KRT23: variants seen among roughly 807,000 people sequenced by gnomAD.
KRT23 encodes keratin 23, also known as keratin, type I cytoskeletal 23.
In KRT23, 38 loss-of-function variants were observed where a neutral mutation model predicts 47.6. That is an observed-to-expected ratio of 0.80 (90% confidence interval 0.62 to 1.05). KRT23 has a LOEUF of 1.05. Among genes scored for constraint, KRT23 ranks in the 50% least tolerant of loss-of-function variants. The probability of loss-of-function intolerance (pLI) is 0.00; values close to 1 mark genes in which losing one functional copy is unlikely to be tolerated. For missense variants in KRT23, 503 were observed against 529.5 expected (o/e 0.95, Z 0.49); for synonymous variants, 191 against 199.0 (o/e 0.96, Z 0.34).
intron 7 of KRT23, among the ~76,000 whole-genome samples, chr17:40,924,995 CT>C (rs34300335): frequency 0.26 from 39,133 of 148,528 alleles, 5,224 homozygotes; most frequent in African/African-American, 0.36. Flanking sequence ...TCATATGCAT[CT>C]TTTTTTTTTT....
At chr17:40,927,598 C>T (rs547876475) in intron 6 of KRT23, among the ~76,000 whole-genome samples, 9 of 145,290 alleles carry the variant, frequency 6.2e-5, no homozygotes, top group African/African-American at 7.7e-5. Context: ...AAATGATAGA[C>T]CTTCATAAAT....
At chr17:40,932,740 T>G (rs1459384873) in intron 2 of KRT23, among the ~76,000 whole-genome samples, 2 of 152,218 alleles carry the variant, frequency 1.3e-5, no homozygotes, top group African/African-American at 4.8e-5. Flanking sequence ...AAGCTATACT[T>G]CAGTACAAAG....
chr17:40,922,919 A>T lies in KRT23; in HGVS notation c.*70T>A. On this transcript the variant is annotated 3_prime_UTR_variant, in exon 9 of 9. Transcript: ENST00000209718. ...CAAGGGTATCTTTTAGAACTCACTCACTGGTGTCTGTGCAAGGACTTTCCT... is the reference window on the plus strand; with the variant it reads ...CAAGGGTATCTTTTAGAACTCACTCTCTGGTGTCTGTGCAAGGACTTTCCT... 1 of 1,053,748 alleles carries T rather than the reference A, an allele frequency of 9.5e-7. No homozygotes were observed. Among genetic ancestry groups the T allele is most frequent in the Non-Finnish European group, 1.5e-6 (1 of 677,054 alleles). 65.3% of individuals were successfully genotyped at this position (1,053,748 alleles called of 1,614,324 possible). A position where few individuals can be genotyped will look rare whatever the true frequency, so the allele number is the denominator to read the frequency against.
Position 40,925,533 on chromosome 17 carries a change from C to T in KRT23, c.963G>A (p.Arg321=). 1.2e-6 allele frequency: 2 copies of T among 1,614,110 alleles called. No individual in the cohort carries two copies. Among genetic ancestry groups the T allele is most frequent in the Non-Finnish European group, 1.7e-6 (2 of 1,179,992 alleles). ...LENMLSETQS[R]YSCKLQDMQE... ...GCATGTCCTGGAGCTTGCAGGAGTA[C>T]CGAGACTGGGTCTCGGATAACATGT... Residue 321 remains arginine (R), a synonymous_variant, in exon 7 of 9, where the codon CGG becomes CGA. Transcript: ENST00000209718.
intron 6 of KRT23, among the ~76,000 whole-genome samples, chr17:40,926,331 G>A (rs1296816621): frequency 6.6e-6 from 1 of 152,110 alleles, no homozygotes; most frequent in African/African-American, 2.4e-5. Context: ...TAATTTTCAG[G>A]GGGCCGTTCA....
intron 8 of KRT23, 61 bp from the exon 9 acceptor site, chr17:40,923,144 C>A: frequency 1.6e-6 from 2 of 1,284,530 alleles, no homozygotes; most frequent in South Asian, 2.4e-5. Flanking sequence ...GAACTGTACT[C>A]ATTTTCATTT....
intron 8 of KRT23, among the ~76,000 whole-genome samples, chr17:40,924,232 A>G (rs747224970): frequency 9.9e-5 from 15 of 152,206 alleles, no homozygotes; most frequent in Non-Finnish European, 1.6e-4. Flanking sequence ...CTTAATAGAG[A>G]CATAATACTA....
chr17:40,930,030 T>C lies in KRT23; in HGVS notation c.546A>G (p.Leu182=). The C allele has an allele frequency of 6.2e-7, 1 of 1,614,138 alleles. No individual in the cohort carries two copies. Among genetic ancestry groups the C allele is most frequent in the East Asian group, 2.2e-5 (1 of 44,884 alleles). The change falls in exon 4 of 9, where the codon TTA becomes TTG. Residue 182 remains leucine, a synonymous_variant. Transcript: ENST00000209718. ...CTGTTGTGACAATGGTCAGGTTGTC[T>C]AAGGTCCTTCGGAGGCCCTCGACTT... The part of the protein sequence containing the change: ...EIEVEGLRRT[L]DNLTIVTTDL...
In KRT23 at chr17:40,922,911, A is replaced by C; in HGVS notation, c.*78T>G. 2.1e-6 allele frequency: 2 copies of C among 967,530 alleles called. No homozygotes were observed. Among genetic ancestry groups the C allele is most frequent in the Non-Finnish European group, 3.3e-6 (2 of 604,956 alleles). The allele number at this position is 967,530 out of a possible 1,614,324, so 59.9% of individuals were successfully genotyped here. ...GATAATTCCAAGGGTATCTTTTAGA[A>C]CTCACTCACTGGTGTCTGTGCAAGG... On this transcript the variant is annotated 3_prime_UTR_variant, in exon 9 of 9. Transcript: ENST00000209718.
chr17:40,925,647 C>G, intron 6 of KRT23, 73 bp from the exon 7 acceptor site: 2 of 1,155,836 alleles, frequency 1.7e-6, no homozygotes, highest in Non-Finnish European at 2.5e-6. Flanking sequence ...TTGTTGAGTA[C>G]TTAGCAGATG....
chr17:40,933,992 C>A (rs894917772), intron 2 of KRT23, among the ~76,000 whole-genome samples: 2 of 152,240 alleles, frequency 1.3e-5, no homozygotes, highest in Admixed American at 1.3e-4. Flanking sequence ...AAATATAGTC[C>A]GATTGAGAAT....
chr17:40,936,770 T>G lies in KRT23; in HGVS notation c.-167A>C, dbSNP rs770675416. 8.5e-6 allele frequency: 5 copies of G among 590,576 alleles called. No individual in the cohort carries two copies. Among genetic ancestry groups the G allele is most frequent in the Non-Finnish European group, 1.1e-5 (4 of 378,220 alleles). The allele number at this position is 590,576 out of a possible 1,614,324, so 36.6% of individuals were successfully genotyped here. On this transcript the variant is annotated 5_prime_UTR_variant, in exon 2 of 9. Coordinates refer to ENST00000209718, the MANE Select transcript of KRT23 (RefSeq NM_015515.5). ...GTATCATTGTGCAACTTGTGTTTCC[T>G]CTTGGTCAATCCCAAAGTGCCCCTG...
intron 2 of KRT23, among the ~76,000 whole-genome samples, chr17:40,934,714 C>G (rs1909928264): frequency 1.3e-5 from 2 of 152,194 alleles, no homozygotes; most frequent in Admixed American, 6.5e-5. Flanking sequence ...TAGAATCCCA[C>G]CTCTGCTTCT....
intron 6 of KRT23, 21 bp from the exon 7 acceptor site, chr17:40,925,595 C>A: frequency 6.4e-7 from 1 of 1,555,764 alleles, no homozygotes; most frequent in East Asian, 2.3e-5. Flanking sequence ...AAATGATCTT[C>A]TGTTAATTAA....
intron 2 of KRT23, 73 bp from the exon 3 acceptor site, chr17:40,931,528 T>C: frequency 2.0e-6 from 2 of 1,021,182 alleles, no homozygotes; most frequent in South Asian, 1.3e-5. Flanking sequence ...TGCATGTCTG[T>C]CCTCTAGCTT....
intron 7 of KRT23, among the ~76,000 whole-genome samples, chr17:40,924,987 A>C (rs1382868676): frequency 8.2e-6 from 1 of 122,310 alleles, no homozygotes; most frequent in Non-Finnish European, 1.6e-5. Flanking sequence ...TCTCTAGCTC[A>C]TATGCATCTT....
At chr17:40,932,781 G>A (rs1909786485) in intron 2 of KRT23, among the ~76,000 whole-genome samples, 2 of 152,280 alleles carry the variant, frequency 1.3e-5, no homozygotes, top group African/African-American at 4.8e-5. Context: ...CCTATTTAAA[G>A]CTCCACTGAT....
Position 40,922,847 on chromosome 17 carries a change from A to G in KRT23, c.*142T>C, listed in dbSNP as rs1015805378. 5 of 618,060 alleles carry G rather than the reference A, an allele frequency of 8.1e-6. No homozygotes were observed. The highest frequency in any genetic ancestry group is 1.4e-5 in the Non-Finnish European group (5 of 348,214). 38.3% of individuals were successfully genotyped at this position (618,060 alleles called of 1,614,324 possible). A position where few individuals can be genotyped will look rare whatever the true frequency, so the allele number is the denominator to read the frequency against. On this transcript the variant is annotated 3_prime_UTR_variant, in exon 9 of 9. Coordinates refer to ENST00000209718, the MANE Select transcript of KRT23 (RefSeq NM_015515.5). ...TAAGAGCATTATGAGAAGTCTGGTGAGACTGTTACAGAAAAAAAAAATAAA... is the reference window on the plus strand; with the variant it reads ...TAAGAGCATTATGAGAAGTCTGGTGGGACTGTTACAGAAAAAAAAAATAAA...
In KRT23 at chr17:40,936,587, C is replaced by T; in HGVS notation, c.17G>A (p.Ser6Asn). 1 of 1,517,360 alleles carries T rather than the reference C, an allele frequency of 6.6e-7. No homozygotes were observed. Among genetic ancestry groups the T allele is most frequent in the South Asian group, 1.3e-5 (1 of 74,528 alleles). The allele number at this position is 1,517,360 out of a possible 1,614,324, so 94.0% of individuals were successfully genotyped here. The change falls in exon 2 of 9, where the codon AGC becomes AAC. Residue 6 changes from serine (S) to asparagine (N), a missense_variant. Physicochemically the swap from Ser to Asn is conservative, Grantham distance 46. Coordinates refer to ENST00000209718, the MANE Select transcript of KRT23 (RefSeq NM_015515.5). MNSGH[S>N]FSQTPSASFH... ...GGAGGCCGAGGGGGTCTGGCTGAAG[C>T]TGTGTCCGGAGTTCATGGTCCCATC... is the stretch of plus-strand genomic sequence containing the variant.
Sources: allele counts gnomAD v4.1 joint callset (sites outside exome capture counted in the v4.1 genomes callset), GRCh38; gene constraint gnomAD v4.1.1; transcripts MANE v1.5; gene names NCBI Gene and HGNC (gene_info 2026-07-23, HGNC 2026-07-21).